TIAM1: variants seen among roughly 807,000 people sequenced by gnomAD.
The protein encoded by TIAM1 is rho guanine nucleotide exchange factor TIAM1.
A neutral mutation model predicts 163.5 loss-of-function variants in TIAM1; 65 were observed. The observed-to-expected ratio is 0.40, with a 90% CI of 0.33 to 0.49. TIAM1 has a LOEUF of 0.49. TIAM1 is among the 20% of genes least tolerant of loss of function. The probability of loss-of-function intolerance (pLI) is 0.77; values close to 1 mark genes in which losing one functional copy is unlikely to be tolerated. For synonymous variants in TIAM1, 833 were observed against 810.1 expected (o/e 1.03, Z -0.48); for missense variants, 1,789 against 2,044.7 (o/e 0.87, Z 2.41).
intron 4 of TIAM1, among the ~76,000 whole-genome samples, chr21:31,262,814 G>A (rs1033188044): frequency 6.6e-6 from 1 of 152,068 alleles, no homozygotes; most frequent in African/African-American, 2.4e-5. Context: ...CTCTTTTCTG[G>A]GGAGTAAAAT....
intron 2 of TIAM1, among the ~76,000 whole-genome samples, chr21:31,382,336 G>A (rs181803781): frequency 1.3e-5 from 2 of 152,312 alleles, no homozygotes; most frequent in Admixed American, 6.5e-5. Context: ...TGAGATTTAC[G>A]CCGTGTCTAG....
chr21:31,412,972 T>C (rs1194658730), intron 2 of TIAM1, among the ~76,000 whole-genome samples: 1 of 151,996 alleles, frequency 6.6e-6, no homozygotes. Context: ...TAACAGACCA[T>C]AGACAGGTAC....
chr21:31,375,292 G>A (rs1374948950), intron 2 of TIAM1, among the ~76,000 whole-genome samples: 1 of 152,116 alleles, frequency 6.6e-6, no homozygotes, highest in Non-Finnish European at 1.5e-5. Flanking sequence ...ACAGAGCAAA[G>A]CCATCTACCT....
At position 31,505,633 on chromosome 21, in the gene TIAM1, T is replaced by C. The variant is rs1158163890; in HGVS notation, c.-421-41598A>G. On this transcript the variant is annotated intron_variant, in intron 1 of 28. Coordinates refer to the TIAM1 transcript ENST00000286827. ...AAAAATCAGTGGATCAGCATTACCG[T>C]CTTAGATGTTTAAAGCCTCTGAAGT... is the stretch of plus-strand genomic sequence containing the variant. Among the ~76,000 whole-genome samples the C allele has an allele frequency of 2.6e-5, 4 of 152,086 alleles. No homozygotes were observed. In the South Asian group the frequency reaches 8.3e-4, roughly 32 times the overall value.
At chr21:31,134,648 T>C (rs904528109) in intron 23 of TIAM1, among the ~76,000 whole-genome samples, 3 of 152,130 alleles carry the variant, frequency 2.0e-5, no homozygotes, top group Admixed American at 6.5e-5. Flanking sequence ...GTAGCTGGGA[T>C]TACAGGCACC....
intron 2 of TIAM1, among the ~76,000 whole-genome samples, chr21:31,278,871 C>T (rs1326561517): frequency 6.6e-6 from 1 of 152,152 alleles, no homozygotes; most frequent in Non-Finnish European, 1.5e-5. Flanking sequence ...CAAAGCAGTT[C>T]CTGAATTGCT....
chr21:31,358,795 A>G (rs1032506636), intron 2 of TIAM1, among the ~76,000 whole-genome samples: 2 of 152,096 alleles, frequency 1.3e-5, no homozygotes, highest in Non-Finnish European at 2.9e-5. Flanking sequence ...TCTACAATCC[A>G]TCCTCATCCA....
At chr21:31,497,168 G>A (rs1358350006) in intron 1 of TIAM1, among the ~76,000 whole-genome samples, 1 of 152,132 alleles carries the variant, frequency 6.6e-6, no homozygotes, top group African/African-American at 2.4e-5. Context: ...GTGTTGTAGG[G>A]TATACCATCT....
chr21:31,167,088 C>CA (rs2084262921), intron 15 of TIAM1, among the ~76,000 whole-genome samples: 2 of 125,104 alleles, frequency 1.6e-5, no homozygotes, highest in Non-Finnish European at 3.3e-5. Context: ...AAAGGATTTC[C>CA]TTTTTTTTTT....
intron 15 of TIAM1, among the ~76,000 whole-genome samples, chr21:31,165,288 G>A (rs2084154874): frequency 6.6e-6 from 1 of 152,160 alleles, no homozygotes; most frequent in Admixed American, 6.5e-5. Context: ...AATAATAGTT[G>A]TTGTGGATTG....
In TIAM1 at chr21:31,266,279, A is replaced by G. The variant is rs756904735; in HGVS notation, c.694T>C (p.Leu232=). ...TTTTTCTGAGCATACAAGTCACCCAAGGAATTGGCTCTCTGACAGGTGCTG... is the reference window on the plus strand; with the variant it reads ...TTTTTCTGAGCATACAAGTCACCCAGGGAATTGGCTCTCTGACAGGTGCTG... ...QLSTCQRANS[L]GDLYAQKNSG... The change falls in exon 4 of 28, where the codon TTG becomes CTG. Residue 232 remains leucine, a synonymous_variant. Coordinates refer to ENST00000541036, the MANE Select transcript of TIAM1 (RefSeq NM_001353694.2). The G allele has an allele frequency of 2.0e-5, 33 of 1,614,202 alleles. No individual in the cohort carries two copies. The East Asian group carries it at 7.1e-4, about 35-fold the overall frequency.
intron 2 of TIAM1, among the ~76,000 whole-genome samples, chr21:31,423,635 A>AT (rs2043664216): frequency 6.8e-6 from 1 of 147,346 alleles, no homozygotes; most frequent in South Asian, 2.2e-4. Context: ...CCCTAGCCCT[A>AT]TAACGAACTC....
At chr21:31,221,403 G>A (rs1293799590) in intron 8 of TIAM1, among the ~76,000 whole-genome samples, 2 of 152,174 alleles carry the variant, frequency 1.3e-5, no homozygotes, top group African/African-American at 2.4e-5. Flanking sequence ...TAAAACCACT[G>A]ACCAAAACAC....
At position 31,168,349 on chromosome 21, in the gene TIAM1, C is replaced by T. The variant is rs186898109; in HGVS notation, c.2888-3284G>A. Among the ~76,000 whole-genome samples, 6 of 152,230 alleles carry T rather than the reference C, an allele frequency of 3.9e-5. No homozygotes were observed. In the East Asian group the frequency reaches 1.2e-3, roughly 29 times the overall value. ...TCAGGTGATCTGCCCACCTCGGCCCCCCAAAGTGCTGGGATTAGAGGCATG... is the reference window on the plus strand; with the variant it reads ...TCAGGTGATCTGCCCACCTCGGCCCTCCAAAGTGCTGGGATTAGAGGCATG... On this transcript the variant is annotated intron_variant, in intron 15 of 27. Coordinates refer to ENST00000541036, the MANE Select transcript of TIAM1 (RefSeq NM_001353694.2).
At chr21:31,518,582 C>T (rs934869680) in intron 1 of TIAM1, among the ~76,000 whole-genome samples, 8 of 152,228 alleles carry the variant, frequency 5.3e-5, no homozygotes, top group Middle Eastern at 3.4e-3. Flanking sequence ...CCACTGCGCC[C>T]GGCCCTAAAT....
At chr21:31,500,911 GA>G (rs1569390023) in intron 1 of TIAM1, among the ~76,000 whole-genome samples, 3 of 152,210 alleles carry the variant, frequency 2.0e-5, no homozygotes, top group Non-Finnish European at 4.4e-5. Context: ...GCAGTCCGAG[GA>G]AACAGCTACA....
At chr21:31,187,165 G>T in intron 13 of TIAM1, 78 bp from the exon 14 acceptor site, 1 of 1,272,332 alleles carries the variant, frequency 7.9e-7, no homozygotes, top group Non-Finnish European at 1.1e-6. Context: ...TGCCTGCTGT[G>T]AACTAGGTAT....
At chr21:31,407,552 G>A (rs190067285) in intron 2 of TIAM1, among the ~76,000 whole-genome samples, 59 of 151,704 alleles carry the variant, frequency 3.9e-4, no homozygotes, top group Non-Finnish European at 7.2e-4. Flanking sequence ...TCCGTGGCTC[G>A]ACCCATCGGG....
chr21:31,293,938 T>C (rs1031552024), intron 2 of TIAM1, among the ~76,000 whole-genome samples: 3 of 152,184 alleles, frequency 2.0e-5, no homozygotes, highest in Non-Finnish European at 4.4e-5. Flanking sequence ...CCGCTACTTT[T>C]AACCACCCTC....
Sources: allele counts gnomAD v4.1 joint callset (sites outside exome capture counted in the v4.1 genomes callset), GRCh38; gene constraint gnomAD v4.1.1; transcripts MANE v1.5; gene names NCBI Gene and HGNC (gene_info 2026-07-23, HGNC 2026-07-21).